Variants in SLC22A3 observed in about 807,000 individuals in gnomAD.
The protein encoded by SLC22A3 is solute carrier family 22 member 3, also known as EMT organic cation transporter 3.
Under a neutral mutation model 59.1 loss-of-function variants are expected in SLC22A3, and 51 were observed. The observed-to-expected ratio is 0.86, with a 90% CI of 0.69 to 1.09. SLC22A3 has a LOEUF of 1.09. Ranked by LOEUF, SLC22A3 falls within the 50% of genes least tolerant of loss-of-function variation. SLC22A3 has a pLI of 0.00. For synonymous variants in SLC22A3, 325 were observed against 292.0 expected, an observed-to-expected ratio of 1.11 and a Z score of -1.15; for missense variants, 711 against 726.3, an observed-to-expected ratio of 0.98 and a Z score of 0.24.
intron 1 of SLC22A3, among the ~76,000 whole-genome samples, chr6:160,365,289 G>C (rs905947011): frequency 6.6e-6 from 1 of 152,150 alleles, no homozygotes; most frequent in Non-Finnish European, 1.5e-5. Context: ...GAGCAGTTTT[G>C]TGACTCACCC....
At chr6:160,382,169 A>G (rs1785823573) in intron 1 of SLC22A3, among the ~76,000 whole-genome samples, 1 of 152,168 alleles carries the variant, frequency 6.6e-6, no homozygotes, top group African/African-American at 2.4e-5. Context: ...TCACTTATTA[A>G]CTGAGTACAT....
chr6:160,378,979 C>A (rs1339242168), intron 1 of SLC22A3, among the ~76,000 whole-genome samples: 1 of 152,190 alleles, frequency 6.6e-6, no homozygotes, highest in Non-Finnish European at 1.5e-5. Flanking sequence ...CACTTTCACA[C>A]CATTATTAAG....
chr6:160,433,824 T>C (rs1788244499), intron 5 of SLC22A3, among the ~76,000 whole-genome samples: 2 of 152,190 alleles, frequency 1.3e-5, no homozygotes, highest in South Asian at 2.1e-4. Context: ...AACTGGAAAC[T>C]TGAGTGAGAG....
At chr6:160,409,319 A>G (rs1238537135) in intron 4 of SLC22A3, among the ~76,000 whole-genome samples, 1 of 100,298 alleles carries the variant, frequency 1.0e-5, no homozygotes, top group African/African-American at 4.0e-5. Context: ...ATGGTTTCCA[A>G]TTTCATCCAT....
chr6:160,431,656 A>G (rs553065719), intron 5 of SLC22A3, among the ~76,000 whole-genome samples: 12 of 152,262 alleles, frequency 7.9e-5, no homozygotes, highest in African/African-American at 2.2e-4. Flanking sequence ...TTAACTTCTA[A>G]AAGTTTGAAA....
At chr6:160,447,483 T>C (rs1788789112) in intron 9 of SLC22A3, among the ~76,000 whole-genome samples, 1 of 152,050 alleles carries the variant, frequency 6.6e-6, no homozygotes, top group South Asian at 2.1e-4. Flanking sequence ...GATGTGTGAG[T>C]GAACACATGG....
chr6:160,423,354 G>A (rs927523764), intron 5 of SLC22A3, among the ~76,000 whole-genome samples: 1 of 152,148 alleles, frequency 6.6e-6, no homozygotes, highest in African/African-American at 2.4e-5. Context: ...CCCAGTAATG[G>A]GATGGCTGGG....
At chr6:160,349,163 GC>G in intron 1 of SLC22A3, 5 of 755,718 alleles carry the variant, frequency 6.6e-6, no homozygotes, top group Non-Finnish European at 8.1e-6. Context: ...CAAAGACCCA[GC>G]ACCGCGTTCC....
chr6:160,451,204 T>C lies in SLC22A3; in HGVS notation c.*148T>C. 1 of 709,788 alleles carries C rather than the reference T, an allele frequency of 1.4e-6. No homozygotes were observed. The highest frequency in any genetic ancestry group is 2.4e-6 in the Non-Finnish European group (1 of 408,278). 44.0% of individuals were successfully genotyped at this position (709,788 alleles called of 1,614,324 possible). A position where few individuals can be genotyped will look rare whatever the true frequency, so the allele number is the denominator to read the frequency against. ...TAAAGACCTCAATCTATCCAGAGTA[T>C]TTTTATATAATGTTGGATGAGTTAG... On this transcript the variant is annotated 3_prime_UTR_variant, in exon 11 of 11. Transcript: ENST00000275300.
At chr6:160,364,986 A>G (rs1484557070) in intron 1 of SLC22A3, among the ~76,000 whole-genome samples, 1 of 152,112 alleles carries the variant, frequency 6.6e-6, no homozygotes, top group Non-Finnish European at 1.5e-5. Context: ...TTTTTTTACT[A>G]TGTAAAAAAA....
At chr6:160,378,534 G>A (rs1489666705) in intron 1 of SLC22A3, among the ~76,000 whole-genome samples, 1 of 152,208 alleles carries the variant, frequency 6.6e-6, no homozygotes, top group African/African-American at 2.4e-5. Flanking sequence ...AATCTAATCA[G>A]ATATGGTGGC....
At chr6:160,380,537 C>A (rs2114793987) in intron 1 of SLC22A3, among the ~76,000 whole-genome samples, 1 of 152,166 alleles carries the variant, frequency 6.6e-6, no homozygotes. Context: ...ATAACTTTAT[C>A]TTTATAAAAC....
rs1788961631 is a variant in SLC22A3, at chr6:160,451,466, A to C, written c.*410A>C. On this transcript the variant is annotated 3_prime_UTR_variant, in exon 11 of 11. Coordinates refer to ENST00000275300, the MANE Select transcript of SLC22A3 (RefSeq NM_021977.4). ...AAGTTGTACAGAAATGTGTTCATCAAATCTGGTCAAGGGACTAAGCTCCTA... is the reference window on the plus strand; with the variant it reads ...AAGTTGTACAGAAATGTGTTCATCACATCTGGTCAAGGGACTAAGCTCCTA... The C allele has an allele frequency of 5.1e-6, 1 of 197,046 alleles. No homozygotes were observed. The highest frequency in any genetic ancestry group is 1.1e-5 in the Non-Finnish European group (1 of 94,758). 12.2% of individuals were successfully genotyped at this position (197,046 alleles called of 1,614,324 possible).
At chr6:160,450,374 G>C (rs993481753) in intron 10 of SLC22A3, among the ~76,000 whole-genome samples, 2 of 152,118 alleles carry the variant, frequency 1.3e-5, no homozygotes, top group African/African-American at 4.8e-5. Context: ...TATTCTGCCC[G>C]ATCCCACAAG....
rs1334839200 is a variant in SLC22A3 at position 160,348,563 on chromosome 6, C to G, written c.144C>G (p.His48Gln). Residue 48 changes from histidine to glutamine, a missense_variant, in exon 1 of 11, where the codon CAC becomes CAG. Coordinates refer to ENST00000275300, the MANE Select transcript of SLC22A3 (RefSeq NM_021977.4). The part of the protein sequence containing the change: ...GVVFLGTQPD[H>Q]YWCRGPSAAA... ...TCTTCCTGGGCACGCAGCCCGACCA[C>G]TACTGGTGCCGCGGGCCAAGTGCCG... is the stretch of plus-strand genomic sequence containing the variant. The G allele has an allele frequency of 1.3e-6, 2 of 1,543,898 alleles. No homozygotes were observed. Among genetic ancestry groups the G allele is most frequent in the Non-Finnish European group, 1.7e-6 (2 of 1,155,052 alleles).
intron 2 of SLC22A3, among the ~76,000 whole-genome samples, chr6:160,399,396 G>A (rs957206760): frequency 4.6e-5 from 7 of 151,806 alleles, no homozygotes; most frequent in Non-Finnish European, 8.8e-5. Flanking sequence ...TGGATATTAG[G>A]TTTTGCTTCA....
intron 1 of SLC22A3, among the ~76,000 whole-genome samples, chr6:160,376,163 T>G (rs1785583324): frequency 6.6e-6 from 1 of 152,062 alleles, no homozygotes; most frequent in Admixed American, 6.6e-5. Context: ...TATGCAGCCA[T>G]AAAAAGGAAC....
rs403781 is a variant in SLC22A3, at chr6:160,420,646, C to T, written c.975+9800C>T. On this transcript the variant is annotated intron_variant, in intron 5 of 10. Coordinates refer to ENST00000275300, the MANE Select transcript of SLC22A3 (RefSeq NM_021977.4). ...CCAACTGTCCTTGTTTGCCCAGGGCCGGGGAGTTGGGAGTTTCAGAGCTAA... is the reference window on the plus strand; with the variant it reads ...CCAACTGTCCTTGTTTGCCCAGGGCTGGGGAGTTGGGAGTTTCAGAGCTAA... 2.6e-3 allele frequency among the ~76,000 whole-genome samples: 397 copies of T among 152,234 alleles called. 12 individuals carry two copies. The East Asian group carries it at 0.063, about 24-fold the overall frequency.
rs1209262419 is a variant in SLC22A3 at position 160,348,503 on chromosome 6, G to A, written c.84G>A (p.Thr28=). The A allele has an allele frequency of 5.1e-6, 8 of 1,563,328 alleles. No homozygotes were observed. The highest frequency in any genetic ancestry group is 5.0e-5 in the East Asian group (2 of 39,624). Residue 28 remains threonine, a synonymous_variant, in exon 1 of 11, where the codon ACG becomes ACA. Transcript: ENST00000275300. ...QRRVFLLLCL[T]GVTFAFLFVG... is the part of the protein sequence containing the mutation. Reference sequence around the variant, plus strand: ...GCGTGTTTTTGCTGCTGTGCCTGACGGGCGTCACCTTCGCCTTCCTCTTCG... The same window carrying A: ...GCGTGTTTTTGCTGCTGTGCCTGACAGGCGTCACCTTCGCCTTCCTCTTCG...
Sources: gnomAD v4.1 joint callset for allele counts (sites outside exome capture counted in the v4.1 genomes callset) on GRCh38, gnomAD v4.1.1 for gene constraint, MANE v1.5 for transcripts, NCBI Gene and HGNC (gene_info 2026-07-23, HGNC 2026-07-21) for gene names.